CADM2: variants seen among roughly 807,000 people sequenced by gnomAD.
CADM2 encodes the protein immunoglobulin superfamily member 4D.
CADM2 carries 12 observed loss-of-function variants against 49.8 expected under a neutral mutation model. The observed-to-expected ratio is 0.24, with a 90% confidence interval of 0.15 to 0.39. The LOEUF (loss-of-function observed/expected upper bound fraction) is 0.39, where lower values mean the gene tolerates loss of function less well. CADM2 is among the 10% of genes least tolerant of loss of function. The pLI is 1.00. For missense variants in CADM2, 378 were observed against 492.3 expected (o/e 0.77, Z 2.20); for synonymous variants, 214 against 175.4 (o/e 1.22, Z -1.74).
intron 3 of CADM2, among the ~76,000 whole-genome samples, chr3:85,849,029 C>A (rs748303960): frequency 1.3e-5 from 2 of 152,292 alleles, no homozygotes; most frequent in East Asian, 3.9e-4. Flanking sequence ...AAACTATTCA[C>A]ATGGCCCAAA....
chr3:85,810,879 A>T (rs2072829717), intron 3 of CADM2, among the ~76,000 whole-genome samples: 1 of 152,144 alleles, frequency 6.6e-6, no homozygotes, highest in South Asian at 2.1e-4. Context: ...CTTTTGCTGA[A>T]GATGAAGCCA....
At chr3:85,751,415 T>C (rs1334772228) in intron 2 of CADM2, among the ~76,000 whole-genome samples, 2 of 152,174 alleles carry the variant, frequency 1.3e-5, no homozygotes, top group African/African-American at 4.8e-5. Context: ...CTTAATGACA[T>C]GTTTAAATAA....
At chr3:86,014,468 C>T in intron 8 of CADM2, 1 of 1,499,758 alleles carries the variant, frequency 6.7e-7, no homozygotes. Context: ...ATTTGGTAAC[C>T]AAACTTGATA....
At chr3:85,680,507 TG>T (rs2066010391) in intron 1 of CADM2, among the ~76,000 whole-genome samples, 1 of 152,194 alleles carries the variant, frequency 6.6e-6, no homozygotes. Context: ...CAATGTTCCT[TG>T]GTGTGTTTAA....
intron 1 of CADM2, among the ~76,000 whole-genome samples, chr3:85,000,147 T>TCC (rs2033389649): frequency 6.7e-6 from 1 of 148,484 alleles, no homozygotes; most frequent in Non-Finnish European, 1.5e-5. Context: ...TCTCTCTCTC[T>TCC]CCCTGCCCCA....
chr3:85,998,315 T>C (rs1013128065), intron 8 of CADM2, among the ~76,000 whole-genome samples: 1 of 152,198 alleles, frequency 6.6e-6, no homozygotes, highest in African/African-American at 2.4e-5. Flanking sequence ...GTTGATAGTT[T>C]TATGACATTT....
chr3:85,766,368 A>T (rs1236885054), intron 2 of CADM2, among the ~76,000 whole-genome samples: 3 of 152,168 alleles, frequency 2.0e-5, no homozygotes, highest in Non-Finnish European at 4.4e-5. Flanking sequence ...ACATACTAGG[A>T]TTGTCCCTGG....
At chr3:85,817,269 G>C (rs2073268644) in intron 3 of CADM2, among the ~76,000 whole-genome samples, 1 of 152,196 alleles carries the variant, frequency 6.6e-6, no homozygotes, top group African/African-American at 2.4e-5. Context: ...AATACTGAGT[G>C]ATTGCTTTGA....
chr3:85,574,361 G>T (rs557096737), intron 1 of CADM2, among the ~76,000 whole-genome samples: 5 of 152,320 alleles, frequency 3.3e-5, no homozygotes, highest in Non-Finnish European at 7.4e-5. Context: ...TTCCAGCTTT[G>T]TGCTGCTAAT....
intron 1 of CADM2, among the ~76,000 whole-genome samples, chr3:85,280,940 G>T (rs887242547): frequency 2.6e-5 from 4 of 151,566 alleles, no homozygotes; most frequent in Non-Finnish European, 5.9e-5. Context: ...AAAATAAAAA[G>T]AATTGCAAGA....
intron 8 of CADM2, among the ~76,000 whole-genome samples, chr3:86,054,010 G>A (rs888572178): frequency 5.3e-5 from 8 of 151,934 alleles, no homozygotes; most frequent in Non-Finnish European, 1.0e-4. Context: ...GGGAGGTTAA[G>A]TAACATATCT....
chr3:85,427,972 T>C (rs1452050409), intron 1 of CADM2, among the ~76,000 whole-genome samples: 3 of 152,032 alleles, frequency 2.0e-5, no homozygotes, highest in African/African-American at 7.2e-5. Flanking sequence ...AGAAAGTTGT[T>C]TCTAGTTAAC....
intron 1 of CADM2, among the ~76,000 whole-genome samples, chr3:85,158,059 C>A (rs1301811752): frequency 2.6e-5 from 4 of 152,124 alleles, no homozygotes; most frequent in Non-Finnish European, 4.4e-5. Context: ...TCAAAAGAAG[C>A]CATTTATGCA....
chr3:85,892,588 A>C (rs1019618314), intron 5 of CADM2, among the ~76,000 whole-genome samples: 2 of 152,266 alleles, frequency 1.3e-5, no homozygotes, highest in East Asian at 1.9e-4. Context: ...GCCTGCCACC[A>C]TGTAAGATGT....
chr3:85,781,751 G>A (rs916278106), intron 2 of CADM2, among the ~76,000 whole-genome samples: 3 of 152,158 alleles, frequency 2.0e-5, no homozygotes, highest in African/African-American at 7.2e-5. Flanking sequence ...TCAGGGCCAT[G>A]TTTTGCCAGT....
intron 1 of CADM2, among the ~76,000 whole-genome samples, chr3:85,372,087 A>G (rs1227350501): frequency 6.6e-6 from 1 of 152,220 alleles, no homozygotes; most frequent in East Asian, 1.9e-4. Flanking sequence ...GGTGTTTGAC[A>G]AACTGCTCAA....
At chr3:85,024,018 G>A (rs2107301663) in intron 1 of CADM2, among the ~76,000 whole-genome samples, 1 of 152,076 alleles carries the variant, frequency 6.6e-6, no homozygotes, top group African/African-American at 2.4e-5. Context: ...CTTAGATATT[G>A]TGGGGGCTAA....
chr3:85,824,122 T>C (rs932090800), intron 3 of CADM2, among the ~76,000 whole-genome samples: 4 of 152,178 alleles, frequency 2.6e-5, no homozygotes, highest in South Asian at 2.1e-4. Flanking sequence ...TAGTGGATAG[T>C]TTATTTTACT....
intron 1 of CADM2, among the ~76,000 whole-genome samples, chr3:85,144,245 G>GCACACACACACACA (rs3083491): frequency 2.0e-5 from 3 of 148,938 alleles, no homozygotes; most frequent in African/African-American, 7.5e-5. Context: ...TGTTACACAC[G>GCACACACACACACA]CACACACACA....
Sources: allele counts gnomAD v4.1 joint callset (sites outside exome capture counted in the v4.1 genomes callset), GRCh38; gene constraint gnomAD v4.1.1; transcripts MANE v1.5; gene names NCBI Gene and HGNC (gene_info 2026-07-23, HGNC 2026-07-21).